The following URI1 variants were observed in gnomAD, a reference collection of about 807,000 sequenced individuals.
URI1 encodes the protein unconventional prefoldin RPB5 interactor 1.
A neutral mutation model predicts 60.2 loss-of-function variants in URI1; 39 were observed. That is an observed-to-expected ratio of 0.65 (90% CI 0.50 to 0.85). URI1 has a LOEUF of 0.85. Among genes scored for constraint, URI1 ranks in the 40% least tolerant of loss-of-function variants. The pLI, the probability that URI1 is intolerant of heterozygous loss-of-function variation, is 0.00. For synonymous variants in URI1, 251 were observed against 236.8 expected, an observed-to-expected ratio of 1.06 and a Z score of -0.55; for missense variants, 691 against 665.9, an observed-to-expected ratio of 1.04 and a Z score of -0.42.
rs185399068 is a variant in URI1, at chr19:29,933,475, T to C, written c.63+9721T>C. Reference sequence around the variant, plus strand: ...GTCTCACTTTCATTTCTGATTTTAGTAATTTGACTCTTTTCTCTTTTTTTC... The same window carrying C: ...GTCTCACTTTCATTTCTGATTTTAGCAATTTGACTCTTTTCTCTTTTTTTC... On this transcript the variant is annotated intron_variant, in intron 1 of 10. Coordinates refer to the URI1 transcript ENST00000360605. 3.2e-3 allele frequency among the ~76,000 whole-genome samples: 480 copies of C among 152,322 alleles called. 1 individual carries two copies. Among genetic ancestry groups the C allele is most frequent in the African/African-American group, 0.011 (467 of 41,586 alleles).
chr19:30,011,012 TTAGTTATA>T, intron 8 of URI1, 74 bp from the exon 9 acceptor site: 10 of 1,440,002 alleles, frequency 6.9e-6, no homozygotes, highest in Non-Finnish European at 9.4e-6. Context: ...TATTATTTTT[TTAGTTATA>T]GAGTTTATTT....
intron 1 of URI1, 37 bp downstream of exon 1, chr19:29,942,701 G>T (rs780569338): frequency 1.5e-6 from 2 of 1,351,378 alleles, no homozygotes; most frequent in African/African-American, 3.0e-5. Flanking sequence ...GCCTCCGCCC[G>T]CCGGGCTGCC....
At chr19:29,994,029 A>C (rs1345371827) in intron 4 of URI1, among the ~76,000 whole-genome samples, 1 of 151,406 alleles carries the variant, frequency 6.6e-6, no homozygotes, top group African/African-American at 2.4e-5. Context: ...TTTTGCTGTT[A>C]AAATCAATGC....
At chr19:29,956,775 T>C in intron 1 of URI1, 1 of 1,598,708 alleles carries the variant, frequency 6.3e-7, no homozygotes. Context: ...CTACAAATAG[T>C]CCGAACGGTA....
intron 4 of URI1, among the ~76,000 whole-genome samples, chr19:29,991,922 C>G (rs552966233): frequency 1.3e-5 from 2 of 152,172 alleles, no homozygotes; most frequent in South Asian, 2.1e-4. Context: ...GATTTTTCTT[C>G]CCTGGATGAA....
At chr19:29,944,168 TATATATATATATATATATATATATAA>T (rs1214515986) in intron 1 of URI1, among the ~76,000 whole-genome samples, 1 of 74,544 alleles carries the variant, frequency 1.3e-5, no homozygotes, top group African/African-American at 7.0e-5. Context: ...TATATATATA[TATATATATATATATATATATATATAA>T]AACTTAACTA....
upstream of URI1, among the ~76,000 whole-genome samples, chr19:29,940,144 G>A (rs184068572): frequency 6.6e-6 from 1 of 152,252 alleles, no homozygotes; most frequent in Admixed American, 6.5e-5. Context: ...CTCCAGAGCT[G>A]GTTGATTCAG....
chr19:29,992,523 C>G (rs1314258837), intron 4 of URI1, among the ~76,000 whole-genome samples: 1 of 152,052 alleles, frequency 6.6e-6, no homozygotes, highest in Non-Finnish European at 1.5e-5. Context: ...CTCTTGTTAC[C>G]CTTTCTTGTC....
rs757515487 is a variant in URI1, at chr19:29,942,627, C to T, written c.80C>T (p.Ala27Val). 3.4e-6 allele frequency: 5 copies of T among 1,467,858 alleles called. No individual in the cohort carries two copies. The African/African-American group carries it at 4.4e-5, about 13-fold the overall frequency. The allele number at this position is 1,467,858 out of a possible 1,614,324, so 90.9% of individuals were successfully genotyped here. A position where few individuals can be genotyped will look rare whatever the true frequency, so the allele number is the denominator to read the frequency against. Residue 27 changes from alanine to valine, a missense_variant, in exon 1 of 11, where the codon GCC (alanine) becomes GTC (valine). Transcript: ENST00000392271. ...APAPALVPLRAPDVARLREEQ... is the reference protein window; with the variant it reads ...APAPALVPLRVPDVARLREEQ... ...GCCCCTGCCCTGGTTCCGTTGCGCGCCCCGGATGTGGCGCGGCTGCGCGAG... is the reference window on the plus strand; with the variant it reads ...GCCCCTGCCCTGGTTCCGTTGCGCGTCCCGGATGTGGCGCGGCTGCGCGAG...
rs1304561805 is a variant in URI1 at position 30,015,347 on chromosome 19, A to C, written c.*278A>C. 5 of 1,417,220 alleles carry C rather than the reference A, an allele frequency of 3.5e-6. No individual in the cohort carries two copies. Among genetic ancestry groups the C allele is most frequent in the African/African-American group, 1.4e-5 (1 of 69,496 alleles). The allele number at this position is 1,417,220 out of a possible 1,614,324, so 87.8% of individuals were successfully genotyped here. A position where few individuals can be genotyped will look rare whatever the true frequency, so the allele number is the denominator to read the frequency against. ...TGGCAGCATTTTGAATTACTTTTCA[A>C]AGAATACTGTTCATATGCATTGTTT... On this transcript the variant is annotated 3_prime_UTR_variant, in exon 11 of 11. Coordinates refer to ENST00000392271, the MANE Select transcript of URI1 (RefSeq NM_003796.3).
At chr19:29,971,535 C>G (rs1438875103) in intron 2 of URI1, among the ~76,000 whole-genome samples, 4 of 151,690 alleles carry the variant, frequency 2.6e-5, no homozygotes, top group Non-Finnish European at 5.9e-5. Flanking sequence ...TGTGACTTAG[C>G]TCTATTTTGG....
intron 1 of URI1, among the ~76,000 whole-genome samples, chr19:29,954,478 C>T (rs1382326137): frequency 1.3e-5 from 2 of 151,680 alleles, no homozygotes; most frequent in African/African-American, 4.8e-5. Context: ...TGATTCATTC[C>T]CATTCCTGCT....
chr19:29,933,865 A>G (rs1280739366), intron 1 of URI1, among the ~76,000 whole-genome samples: 1 of 148,040 alleles, frequency 6.8e-6, no homozygotes, highest in East Asian at 2.0e-4. Context: ...GATTTCCTCT[A>G]TCATTTTTCT....
intron 8 of URI1, among the ~76,000 whole-genome samples, chr19:30,009,867 G>A (rs576393124): frequency 1.3e-5 from 2 of 152,192 alleles, no homozygotes; most frequent in East Asian, 1.9e-4. Context: ...TTAGAATTTT[G>A]GCATTTTAGA....
chr19:29,944,185 A>ATG (rs1555736102), intron 1 of URI1, among the ~76,000 whole-genome samples: 58 of 100,714 alleles, frequency 5.8e-4, no homozygotes, highest in Non-Finnish European at 8.7e-4. Flanking sequence ...ATATATATAT[A>ATG]TATATATAAA....
chr19:29,953,784 A>G (rs1159832621), intron 1 of URI1, among the ~76,000 whole-genome samples: 1 of 151,892 alleles, frequency 6.6e-6, no homozygotes, highest in Non-Finnish European at 1.5e-5. Context: ...AAACATAATC[A>G]CTAGGATCCT....
intron 8 of URI1, 31 bp downstream of exon 8, chr19:30,009,384 C>T: frequency 6.4e-7 from 1 of 1,554,730 alleles, no homozygotes; most frequent in African/African-American, 1.4e-5. Context: ...ACTAATTTTG[C>T]ATATAATTTG....
intron 1 of URI1, among the ~76,000 whole-genome samples, chr19:29,949,045 G>A (rs1475344218): frequency 2.0e-5 from 3 of 147,310 alleles, no homozygotes; most frequent in Middle Eastern, 3.5e-3. Context: ...CAGCTGGCCG[G>A]GCGGGGGCTG....
intron 1 of URI1, among the ~76,000 whole-genome samples, chr19:29,948,257 T>C (rs1448682274): frequency 6.6e-6 from 1 of 152,186 alleles, no homozygotes; most frequent in Non-Finnish European, 1.5e-5. Flanking sequence ...CCGTATGCTG[T>C]TTCTTTCTTT....
Sources: gnomAD v4.1 joint callset for allele counts (sites outside exome capture counted in the v4.1 genomes callset) on GRCh38, gnomAD v4.1.1 for gene constraint, MANE v1.5 for transcripts, NCBI Gene and HGNC (gene_info 2026-07-23, HGNC 2026-07-21) for gene names.